RPAP2: variants seen among roughly 807,000 people sequenced by gnomAD.
RPAP2 encodes the protein RNA polymerase II associated protein 2.
Under a neutral mutation model 73.1 loss-of-function variants are expected in RPAP2, and 52 were observed. The ratio of observed to expected loss-of-function variants is 0.71; its 90% CI spans 0.57 to 0.90. The LOEUF (loss-of-function observed/expected upper bound fraction) is 0.90, where lower values mean the gene tolerates loss of function less well. Ranked by LOEUF, RPAP2 falls within the 40% of genes least tolerant of loss-of-function variation. The pLI is 0.00. For missense variants in RPAP2, 598 were observed against 701.8 expected, an observed-to-expected ratio of 0.85 and a Z score of 1.67; for synonymous variants, 225 against 242.1, an observed-to-expected ratio of 0.93 and a Z score of 0.65.
At chr1:92,335,552 T>C (rs1653234356) in intron 9 of RPAP2, among the ~76,000 whole-genome samples, 1 of 152,178 alleles carries the variant, frequency 6.6e-6, no homozygotes, top group South Asian at 2.1e-4. Context: ...ATTCATTCTA[T>C]TTGGTTCTCT....
At chr1:92,300,124 C>A in intron 1 of RPAP2, 70 bp from the exon 2 acceptor site, 1 of 1,029,192 alleles carries the variant, frequency 9.7e-7, no homozygotes, top group South Asian at 1.3e-5. Flanking sequence ...CTTATGAGAC[C>A]GCTGTCTGTA....
At chr1:92,299,491 C>T (rs1650631708) in intron 1 of RPAP2, among the ~76,000 whole-genome samples, 1 of 152,240 alleles carries the variant, frequency 6.6e-6, no homozygotes, top group East Asian at 1.9e-4. Context: ...AACCTAGGAC[C>T]GGTCCTCCTT....
Position 92,304,369 on chromosome 1 carries a change from T to C in RPAP2, c.399+20T>C, listed in dbSNP as rs762466513. The stretch of plus-strand genomic sequence containing the variant: ...AGAAAGGTGAGTTTAAAGGCTTTCA[T>C]TGTGGCAATTAATTTTTTTTCTTTA... On this transcript the variant is annotated intron_variant, in intron 5 of 12. Transcript: ENST00000610020. 2.4e-5 allele frequency: 34 copies of C among 1,407,504 alleles called. No individual in the cohort carries two copies. Among genetic ancestry groups the C allele is most frequent in the Non-Finnish European group, 3.0e-5 (31 of 1,025,936 alleles). The allele number at this position is 1,407,504 out of a possible 1,614,324, so 87.2% of individuals were successfully genotyped here.
At chr1:92,366,695 GTATA>G (rs1260103544) in intron 11 of RPAP2, among the ~76,000 whole-genome samples, 4 of 152,170 alleles carry the variant, frequency 2.6e-5, no homozygotes, top group Admixed American at 6.5e-5. Flanking sequence ...GGAGCATGCA[GTATA>G]TATTGTATAT....
At chr1:92,336,627 A>G (rs2101247707) in intron 10 of RPAP2, among the ~76,000 whole-genome samples, 200 bp downstream of exon 10, 1 of 152,304 alleles carries the variant, frequency 6.6e-6, no homozygotes, top group Non-Finnish European at 1.5e-5. Flanking sequence ...AAGCCATTAT[A>G]TATTTCACTT....
At position 92,299,088 on chromosome 1, in the gene RPAP2, T is replaced by C. The variant is rs978008906; in HGVS notation, c.15T>C (p.Ala5=). 4.6e-6 allele frequency: 7 copies of C among 1,516,432 alleles called. No individual in the cohort carries two copies. In the African/African-American group the frequency reaches 7.0e-5, roughly 15 times the overall value. 93.9% of individuals were successfully genotyped at this position (1,516,432 alleles called of 1,614,324 possible). A position where few individuals can be genotyped will look rare whatever the true frequency, so the allele number is the denominator to read the frequency against. The change falls in exon 1 of 13, where the codon GCT becomes GCC. Residue 5 remains alanine (A), a synonymous_variant. Transcript: ENST00000610020. The stretch of plus-strand genomic sequence containing the variant: ...TACTCTCCCCCATGGCGGACTTCGC[T>C]GGGCCGTCTTCTGCCGGCCGCAAGG... The part of the protein sequence containing the change: MADF[A]GPSSAGRKAG...
chr1:92,344,930 A>G (rs954522766), intron 10 of RPAP2, among the ~76,000 whole-genome samples: 1 of 151,992 alleles, frequency 6.6e-6, no homozygotes, highest in Non-Finnish European at 1.5e-5. Flanking sequence ...TTTCTTATTG[A>G]TTTATATAAT....
chr1:92,305,479 G>C (rs1038543717), intron 5 of RPAP2, among the ~76,000 whole-genome samples: 1 of 133,856 alleles, frequency 7.5e-6, no homozygotes, highest in Non-Finnish European at 1.6e-5. Context: ...TAAACTTGGG[G>C]TAGAGAGACT....
intron 6 of RPAP2, among the ~76,000 whole-genome samples, chr1:92,315,261 G>A (rs1651841458): frequency 6.6e-6 from 1 of 152,158 alleles, no homozygotes; most frequent in African/African-American, 2.4e-5. Context: ...ACAGCTGGTT[G>A]GTGGATCAGT....
Position 92,387,912 on chromosome 1 carries a change from A to G in RPAP2, c.*901A>G, listed in dbSNP as rs1655923760. 1.3e-5 allele frequency: 2 copies of G among 152,162 alleles called. No individual in the cohort carries two copies. The highest frequency in any genetic ancestry group is 2.4e-5 in the African/African-American group (1 of 41,422). The allele number at this position is 152,162 out of a possible 1,614,324, so 9.4% of individuals were successfully genotyped here. ...AATTGGCTACTGCCATACAATCTCT[A>G]TGGGAAAGGACTGCAAAAACTAAAT... On this transcript the variant is annotated 3_prime_UTR_variant, in exon 13 of 13. Coordinates refer to ENST00000610020, the MANE Select transcript of RPAP2 (RefSeq NM_024813.3).
Position 92,387,047 on chromosome 1 carries a change from T to C in RPAP2, c.*36T>C, listed in dbSNP as rs766543900. The stretch of plus-strand genomic sequence containing the variant: ...GAAGACAAAATAGAAGATGAACTTC[T>C]ATTCACCGTTTCTGGAATTCTAGCC... On this transcript the variant is annotated 3_prime_UTR_variant, in exon 13 of 13. Coordinates refer to ENST00000610020, the MANE Select transcript of RPAP2 (RefSeq NM_024813.3). 2.5e-6 allele frequency: 4 copies of C among 1,575,994 alleles called. No individual in the cohort carries two copies. The highest frequency in any genetic ancestry group is 3.5e-6 in the Non-Finnish European group (4 of 1,153,976).
rs1656304113 is a variant in RPAP2, at chr1:92,401,019, G to A, written c.*14008G>A. On this transcript the variant is annotated 3_prime_UTR_variant, in exon 13 of 13. Coordinates refer to ENST00000610020, the MANE Select transcript of RPAP2 (RefSeq NM_024813.3). ...GCAGGAAGGAGAAGTGCAGAGCAAA[G>A]TGGGGCAAAGCCTCTATAAAGCCAT... The A allele has an allele frequency of 8.1e-6, 1 of 123,336 alleles. No individual in the cohort carries two copies. The highest frequency in any genetic ancestry group is 1.7e-5 in the Non-Finnish European group (1 of 58,226). 7.6% of individuals were successfully genotyped at this position (123,336 alleles called of 1,614,324 possible). A position where few individuals can be genotyped will look rare whatever the true frequency, so the allele number is the denominator to read the frequency against.
intron 10 of RPAP2, among the ~76,000 whole-genome samples, chr1:92,341,937 C>A (rs999954782): frequency 1.3e-5 from 2 of 152,246 alleles, no homozygotes; most frequent in African/African-American, 4.8e-5. Context: ...GCCAACACAC[C>A]TGGCCAGGAA....
intron 11 of RPAP2, among the ~76,000 whole-genome samples, chr1:92,363,490 T>C (rs1184380125): frequency 6.6e-6 from 1 of 152,202 alleles, no homozygotes; most frequent in Non-Finnish European, 1.5e-5. Flanking sequence ...TTTTACATCA[T>C]GCCTAACAAC....
chr1:92,347,331 A>G (rs1379723461), intron 11 of RPAP2, among the ~76,000 whole-genome samples: 10 of 150,434 alleles, frequency 6.6e-5, no homozygotes, highest in Admixed American at 6.6e-4. Context: ...CAAAGAAAAT[A>G]TCAGTATCTC....
intron 11 of RPAP2, among the ~76,000 whole-genome samples, chr1:92,351,111 A>G (rs1205324205): frequency 6.6e-6 from 1 of 151,996 alleles, no homozygotes; most frequent in Non-Finnish European, 1.5e-5. Flanking sequence ...GATTAAGACC[A>G]TCCTGGCCAA....
chr1:92,356,504 C>T (rs528940743), intron 11 of RPAP2, among the ~76,000 whole-genome samples: 10 of 151,882 alleles, frequency 6.6e-5, no homozygotes, highest in South Asian at 2.1e-4. Context: ...CTGCAACCTC[C>T]GCCTCCTGGG....
intron 1 of RPAP2, among the ~76,000 whole-genome samples, chr1:92,299,988 T>A (rs1650693490): frequency 6.6e-6 from 1 of 152,186 alleles, no homozygotes; most frequent in African/African-American, 2.4e-5. Context: ...ACTTACACAC[T>A]AGGCTATATG....
intron 11 of RPAP2, among the ~76,000 whole-genome samples, chr1:92,346,596 T>C (rs752262019): frequency 1.3e-5 from 2 of 152,232 alleles, no homozygotes; most frequent in African/African-American, 2.4e-5. Context: ...TTTTTACATA[T>C]CTAATATTAT....
Sources: allele counts gnomAD v4.1 joint callset (sites outside exome capture counted in the v4.1 genomes callset), GRCh38; gene constraint gnomAD v4.1.1; transcripts MANE v1.5; gene names NCBI Gene and HGNC (gene_info 2026-07-23, HGNC 2026-07-21).